Variants in PDE1B observed in about 807,000 individuals in gnomAD.
The protein encoded by PDE1B is phosphodiesterase 1B.
In PDE1B, 13 loss-of-function variants were observed where a neutral mutation model predicts 66.7. The observed-to-expected ratio is 0.19, with a 90% confidence interval of 0.13 to 0.31. PDE1B has a LOEUF of 0.31. Ranked by LOEUF, PDE1B falls within the 10% of genes least tolerant of loss-of-function variation. The pLI, the probability that PDE1B is intolerant of heterozygous loss-of-function variation, is 1.00. For missense variants in PDE1B, 485 were observed against 682.3 expected (o/e 0.71, Z 3.22); for synonymous variants, 230 against 253.9 (o/e 0.91, Z 0.90).
rs368338641 is a variant in PDE1B at position 54,560,275 on chromosome 12, G to A, written c.114-6699G>A. ...CTTCAAGGCTTTGGCATAATGACAA[G>A]GTATTTTCATTTCTTCCTGCTTTTG... On this transcript the variant is annotated intron_variant, in intron 2 of 15. Transcript: ENST00000243052. Among the ~76,000 whole-genome samples the A allele has an allele frequency of 2.5e-4, 38 of 152,266 alleles. 1 individual carries two copies. The highest frequency in any genetic ancestry group is 9.1e-4 in the African/African-American group (38 of 41,532).
At chr12:54,554,893 G>A (rs1380836498) in intron 2 of PDE1B, among the ~76,000 whole-genome samples, 2 of 152,200 alleles carry the variant, frequency 1.3e-5, no homozygotes, top group Non-Finnish European at 2.9e-5. Flanking sequence ...CTTGCTTTGT[G>A]AAGAGGCAGG....
At chr12:54,572,474 C>G (rs1957633150) in intron 6 of PDE1B, 127 bp from the exon 7 acceptor site, 2 of 890,120 alleles carry the variant, frequency 2.2e-6, no homozygotes, top group Admixed American at 1.9e-5. Flanking sequence ...CCAGGTTCAC[C>G]TAACTAGGTT....
intron 10 of PDE1B, chr12:54,574,041 C>A (rs1328670618): frequency 3.3e-6 from 1 of 303,570 alleles, no homozygotes; most frequent in Non-Finnish European, 6.2e-6. Context: ...TTCATTCAAC[C>A]CTTCTGCCCC....
At chr12:54,572,491 T>A in intron 6 of PDE1B, 110 bp from the exon 7 acceptor site, 1 of 1,032,644 alleles carries the variant, frequency 9.7e-7, no homozygotes, top group Non-Finnish European at 1.5e-6. Flanking sequence ...GGTTCTGTGC[T>A]CTCTCCCTAT....
At chr12:54,557,204 C>T (rs1957352644) in intron 2 of PDE1B, among the ~76,000 whole-genome samples, 1 of 152,228 alleles carries the variant, frequency 6.6e-6, no homozygotes, top group South Asian at 2.1e-4. Flanking sequence ...TTGCACTAGA[C>T]ACCTCAAAGA....
chr12:54,576,451 AGG>A, intron 13 of PDE1B, 118 bp from the exon 14 acceptor site: 1 of 1,156,788 alleles, frequency 8.6e-7, no homozygotes, highest in Non-Finnish European at 1.2e-6. Context: ...AGAGGAAAAG[AGG>A]AAGATGAAGT....
At chr12:54,558,796 T>C (rs549985067) in intron 2 of PDE1B, among the ~76,000 whole-genome samples, 12 of 152,314 alleles carry the variant, frequency 7.9e-5, no homozygotes, top group Admixed American at 5.9e-4. Context: ...AGTGGGCATA[T>C]GGGACTTTGT....
chr12:54,575,524 G>T lies in PDE1B; in HGVS notation c.1186-27G>T. On this transcript the variant is annotated intron_variant, in intron 11 of 15. Coordinates refer to ENST00000243052, the MANE Select transcript of PDE1B (RefSeq NM_000924.4). This position sits in a 1 kb window ranked among gnomAD's most constrained non-coding sequence, Gnocchi z 4.0. ...TGGTAGGTCTGAGGTATCCTCTCCA[G>T]CTTTCCTACCCTGTTCCCTCCTCTA... is the stretch of plus-strand genomic sequence containing the variant. 1.3e-6 allele frequency: 2 copies of T among 1,556,200 alleles called. No homozygotes were observed. The highest frequency in any genetic ancestry group is 2.2e-5 in the East Asian group (1 of 44,586).
chr12:54,564,924 T>C (rs909185585), intron 2 of PDE1B, among the ~76,000 whole-genome samples: 1 of 152,206 alleles, frequency 6.6e-6, no homozygotes, highest in African/African-American at 2.4e-5. Context: ...TCCTGAGCCT[T>C]GGTTTCTGCA....
At chr12:54,551,601 A>C (rs756518311) in intron 2 of PDE1B, among the ~76,000 whole-genome samples, 9 of 152,170 alleles carry the variant, frequency 5.9e-5, no homozygotes, top group Non-Finnish European at 1.3e-4. Context: ...CTCCCCTAAC[A>C]CTAGTGGCTC....
intron 3 of PDE1B, among the ~76,000 whole-genome samples, chr12:54,567,582 T>C (rs1350636317): frequency 6.6e-6 from 1 of 151,598 alleles, no homozygotes; most frequent in Non-Finnish European, 1.5e-5. Flanking sequence ...TGGTAAGAGA[T>C]AAAGAAGCAG....
chr12:54,577,711 A>G (rs1325313621), intron 15 of PDE1B, 149 bp from the exon 16 acceptor site: 4 of 587,848 alleles, frequency 6.8e-6, no homozygotes, highest in East Asian at 3.1e-5. Context: ...TTCAGCCCCT[A>G]TTCACCCCCT....
intron 15 of PDE1B, 103 bp from the exon 16 acceptor site, chr12:54,577,757 A>C: frequency 2.0e-6 from 1 of 489,380 alleles, no homozygotes. Context: ...TTTTTTGCAC[A>C]GCTCTACTCG....
chr12:54,576,963 A>G (rs1407763107), intron 14 of PDE1B: 3 of 604,162 alleles, frequency 5.0e-6, no homozygotes, highest in Non-Finnish European at 8.8e-6. Context: ...GTCCCTGTAA[A>G]TGGTGCCCCT....
intron 2 of PDE1B, among the ~76,000 whole-genome samples, chr12:54,563,710 A>G (rs1156455694): frequency 6.6e-6 from 1 of 152,210 alleles, no homozygotes; most frequent in Non-Finnish European, 1.5e-5. Flanking sequence ...CTTTTAATGT[A>G]TTATATCACT....
At chr12:54,554,671 G>A (rs1477290857) in intron 2 of PDE1B, among the ~76,000 whole-genome samples, 1 of 152,180 alleles carries the variant, frequency 6.6e-6, no homozygotes, top group African/African-American at 2.4e-5. Flanking sequence ...GGTGGCTGGA[G>A]GGAGGGAAGC....
chr12:54,563,121 A>G (rs940218922), intron 2 of PDE1B, among the ~76,000 whole-genome samples: 3 of 152,156 alleles, frequency 2.0e-5, no homozygotes, highest in Admixed American at 6.5e-5. Flanking sequence ...TTTACTGAGC[A>G]TGTTCTGTGT....
rs770370400 is a variant in PDE1B, at chr12:54,549,925, C to T, written c.53C>T (p.Pro18Leu). The T allele has an allele frequency of 3.1e-6, 5 of 1,614,156 alleles. No homozygotes were observed. Among genetic ancestry groups the T allele is most frequent in the East Asian group, 2.2e-5 (1 of 44,872 alleles). The change falls in exon 2 of 16, where the codon CCG (proline) becomes CTG (leucine). Residue 18 changes from proline to leucine, a missense_variant. Pro to Leu is a moderately conservative substitution (Grantham distance 98). This residue lies in a region of PDE1B where 74 missense variants were observed against 78.7 expected (regional missense o/e 0.94). Coordinates refer to ENST00000243052, the MANE Select transcript of PDE1B (RefSeq NM_000924.4). ...GAGATGCTGGAGGAGTCGGATTGCC[C>T]GTCACCCCTGGAGCTGAAGTCAGCC... is the stretch of plus-strand genomic sequence containing the variant. Reference protein sequence around the residue: ...PPEMLEESDCPSPLELKSAPS... With the variant: ...PPEMLEESDCLSPLELKSAPS...
chr12:54,564,091 T>C (rs1356395594), intron 2 of PDE1B, among the ~76,000 whole-genome samples: 2 of 152,080 alleles, frequency 1.3e-5, no homozygotes, highest in African/African-American at 4.8e-5. Flanking sequence ...AGAATAAATA[T>C]GACAAATGAG....
Sources: allele counts gnomAD v4.1 joint callset (sites outside exome capture counted in the v4.1 genomes callset), GRCh38; gene constraint gnomAD v4.1.1; regional missense constraint gnomAD v4.1.1; non-coding constraint Gnocchi (gnomAD v3.1); transcripts MANE v1.5; gene names NCBI Gene and HGNC (gene_info 2026-07-23, HGNC 2026-07-21).